Variants in PCDHGA2 observed in about 807,000 individuals in gnomAD.
PCDHGA2 encodes protocadherin gamma subfamily A, 2.
A neutral mutation model predicts 59.2 loss-of-function variants in PCDHGA2; 40 were observed. The ratio of observed to expected loss-of-function variants is 0.68; its 90% confidence interval spans 0.52 to 0.88. PCDHGA2 has a LOEUF of 0.88. Among genes scored for constraint, PCDHGA2 ranks in the 40% least tolerant of loss-of-function variants. PCDHGA2 has a pLI of 0.00. For missense variants in PCDHGA2, 1,226 were observed against 1,204.0 expected (o/e 1.02, Z -0.27); for synonymous variants, 560 against 526.0 (o/e 1.06, Z -0.89).
chr5:141,399,373 GT>G, intron 1 of PCDHGA2: 1 of 1,613,982 alleles, frequency 6.2e-7, no homozygotes. Context: ...GGAGTACAAT[GT>G]CACCATCACA....
chr5:141,409,571 T>TACGTGGTCC (rs2095286242), intron 1 of PCDHGA2: 2 of 1,613,932 alleles, frequency 1.2e-6, no homozygotes, highest in East Asian at 4.5e-5. Context: ...CCAGACGTCC[T>TACGTGGTCC]ACGTGGTCCA....
intron 1 of PCDHGA2, among the ~76,000 whole-genome samples, chr5:141,454,796 ATTTTTTTTTTTTT>A (rs61612330): frequency 7.8e-5 from 6 of 77,408 alleles, no homozygotes; most frequent in African/African-American, 1.2e-4. Flanking sequence ...CATGGTTCTA[ATTTTTTTTTTTTT>A]TTTTTTTTTT....
At chr5:141,362,964 A>C (rs1762745634) in intron 1 of PCDHGA2, among the ~76,000 whole-genome samples, 1 of 152,250 alleles carries the variant, frequency 6.6e-6, no homozygotes, top group South Asian at 2.1e-4. Flanking sequence ...TTGGGAAACA[A>C]AGAAGAAAGA....
chr5:141,406,288 G>A (rs72790038), intron 1 of PCDHGA2, among the ~76,000 whole-genome samples: 9,719 of 151,928 alleles, frequency 0.064, 366 homozygotes, highest in African/African-American at 0.1. Context: ...CCAAAGCACT[G>A]GGTGAGGTGT....
At chr5:141,362,559 G>C (rs764539634) in intron 1 of PCDHGA2, 1 of 1,611,324 alleles carries the variant, frequency 6.2e-7, no homozygotes, top group South Asian at 1.1e-5. Context: ...TTTTGAAGGT[G>C]AGCTTTAATT....
chr5:141,344,400 A>G, intron 1 of PCDHGA2: 1 of 1,611,628 alleles, frequency 6.2e-7, no homozygotes, highest in South Asian at 1.1e-5. Flanking sequence ...AGAAATAGAA[A>G]TTAAAGATAT....
chr5:141,453,099 C>CT (rs568622146), intron 1 of PCDHGA2, among the ~76,000 whole-genome samples: 1 of 151,962 alleles, frequency 6.6e-6, no homozygotes, highest in East Asian at 1.9e-4. Flanking sequence ...TTTTCTGTTG[C>CT]TTTTTTGTTT....
At chr5:141,483,648 T>TTGTGTGTGTGTGTG (rs111458813) in intron 1 of PCDHGA2, among the ~76,000 whole-genome samples, 2 of 149,592 alleles carry the variant, frequency 1.3e-5, no homozygotes, top group Non-Finnish European at 3.0e-5. Context: ...GGGTGTGTGT[T>TTGTGTGTGTGTGTG]TGTGTGTGTG....
chr5:141,385,131 C>A lies in PCDHGA2; in HGVS notation c.2424+43736C>A, dbSNP rs371376308. Reference sequence around the variant, plus strand: ...CCACCTCGCACTTTGTGGGCATGGACGGGGTGCAGGCTTTCCTGCAGACCT... The same window carrying A: ...CCACCTCGCACTTTGTGGGCATGGAAGGGGTGCAGGCTTTCCTGCAGACCT... On this transcript the variant is annotated intron_variant, in intron 1 of 3. Transcript: ENST00000394576. The A allele has an allele frequency of 1.2e-6, 2 of 1,614,200 alleles. No homozygotes were observed. Among genetic ancestry groups the A allele is most frequent in the Non-Finnish European group, 1.7e-6 (2 of 1,180,056 alleles).
chr5:141,429,851 TC>T (rs1447325775), intron 1 of PCDHGA2, among the ~76,000 whole-genome samples: 2 of 152,224 alleles, frequency 1.3e-5, no homozygotes, highest in African/African-American at 4.8e-5. Context: ...TCTGTAACAT[TC>T]TTTGGACTAC....
chr5:141,393,427 A>G (rs2092758301), intron 1 of PCDHGA2: 2 of 1,613,922 alleles, frequency 1.2e-6, no homozygotes, highest in Admixed American at 3.3e-5. Flanking sequence ...AGGGAGGAAG[A>G]GGCTGCTCAC....
chr5:141,365,732 G>A (rs780327572), intron 1 of PCDHGA2: 2 of 1,613,574 alleles, frequency 1.2e-6, no homozygotes, highest in Non-Finnish European at 8.5e-7. Flanking sequence ...CAATCCCAGA[G>A]GTGTCTCTAT....
rs756627468 is a variant in PCDHGA2, at chr5:141,370,720, T to A, written c.2424+29325T>A. On this transcript the variant is annotated intron_variant, in intron 1 of 3. Transcript: ENST00000394576. Reference sequence around the variant, plus strand: ...ACGTGTGTTCTGGAATTTGAAATGGTTGCTGAAAAGCCTTTAAACTTTTTT... The same window carrying A: ...ACGTGTGTTCTGGAATTTGAAATGGATGCTGAAAAGCCTTTAAACTTTTTT... 4.3e-6 allele frequency: 7 copies of A among 1,613,868 alleles called. No homozygotes were observed. The South Asian group carries it at 7.7e-5, about 18-fold the overall frequency.
chr5:141,428,794 T>C (rs2097161574), intron 1 of PCDHGA2: 1 of 152,852 alleles, frequency 6.5e-6, no homozygotes, highest in African/African-American at 2.4e-5. Context: ...CCTTTCTGTG[T>C]GGGCCAGTAA....
At chr5:141,374,686 C>A (rs765389244) in intron 1 of PCDHGA2, 1 of 1,609,760 alleles carries the variant, frequency 6.2e-7, no homozygotes, top group South Asian at 1.1e-5. Flanking sequence ...GCACACTGGA[C>A]CGGGAAGGAG....
At chr5:141,385,670 C>A in intron 1 of PCDHGA2, 1 of 420,128 alleles carries the variant, frequency 2.4e-6, no homozygotes, top group Non-Finnish European at 3.4e-6. Flanking sequence ...GAATAAAACA[C>A]ACCTCAGCTG....
At chr5:141,421,211 T>A (rs866635411) in intron 1 of PCDHGA2, 8 of 1,541,100 alleles carry the variant, frequency 5.2e-6, no homozygotes. Flanking sequence ...CCGCGGAATA[T>A]CGGCTTAGAG....
intron 1 of PCDHGA2, chr5:141,384,675 G>A: frequency 6.2e-7 from 1 of 1,614,216 alleles, no homozygotes; most frequent in Non-Finnish European, 8.5e-7. Flanking sequence ...CCAAGGTGGT[G>A]GCGGTGGACA....
chr5:141,383,987 G>T, intron 1 of PCDHGA2: 6 of 1,613,730 alleles, frequency 3.7e-6, no homozygotes, highest in Non-Finnish European at 5.1e-6. Flanking sequence ...ACACCTCTTG[G>T]GACAGTCATT....
Sources: gnomAD v4.1 joint callset for allele counts (sites outside exome capture counted in the v4.1 genomes callset) on GRCh38, gnomAD v4.1.1 for gene constraint, MANE v1.5 for transcripts, NCBI Gene and HGNC (gene_info 2026-07-23, HGNC 2026-07-21) for gene names.